The following RTN1 variants were observed in gnomAD, a reference collection of about 807,000 sequenced individuals.
The protein encoded by RTN1 is reticulon-1.
RTN1 carries 25 observed loss-of-function variants against 65.5 expected under a neutral mutation model. The ratio of observed to expected loss-of-function variants is 0.38; its 90% CI spans 0.28 to 0.53. The LOEUF is 0.53. RTN1 is among the 20% of genes least tolerant of loss of function. The probability of loss-of-function intolerance (pLI) is 0.79; values close to 1 mark genes in which losing one functional copy is unlikely to be tolerated. For missense variants in RTN1, 983 were observed against 1,025.4 expected, an observed-to-expected ratio of 0.96 and a Z score of 0.57; for synonymous variants, 471 against 447.6, an observed-to-expected ratio of 1.05 and a Z score of -0.66.
intron 1 of RTN1, among the ~76,000 whole-genome samples, chr14:59,854,556 G>A (rs544449157): frequency 9.3e-4 from 135 of 145,094 alleles, no homozygotes; most frequent in Middle Eastern, 3.8e-3. Flanking sequence ...CATGAGAATC[G>A]CTTGAACCCA....
intron 1 of RTN1, among the ~76,000 whole-genome samples, chr14:59,802,607 G>A (rs1040235174): frequency 6.6e-6 from 1 of 152,130 alleles, no homozygotes; most frequent in Non-Finnish European, 1.5e-5. Context: ...GAATTTAGTA[G>A]TGTATTTAGA....
At chr14:59,749,777 TTA>T (rs1157551595) in intron 1 of RTN1, among the ~76,000 whole-genome samples, 2 of 89,694 alleles carry the variant, frequency 2.2e-5, no homozygotes, top group Non-Finnish European at 3.8e-5. Context: ...ATATGTATAT[TTA>T]TATATATCTA....
chr14:59,867,267 G>A (rs1887816090), intron 1 of RTN1, among the ~76,000 whole-genome samples: 1 of 152,064 alleles, frequency 6.6e-6, no homozygotes, highest in African/African-American at 2.4e-5. Flanking sequence ...TAAAATAACT[G>A]ATCATGAAAA....
chr14:59,658,983 G>A (rs774887951), intron 3 of RTN1, among the ~76,000 whole-genome samples: 2 of 151,948 alleles, frequency 1.3e-5, no homozygotes, highest in Non-Finnish European at 1.5e-5. Context: ...GCTAAGAACC[G>A]TGAAAAAAGG....
At chr14:59,626,617 C>T (rs1441520968) in intron 3 of RTN1, among the ~76,000 whole-genome samples, 6 of 152,118 alleles carry the variant, frequency 3.9e-5, no homozygotes, top group African/African-American at 7.2e-5. Flanking sequence ...GTAGTACAGT[C>T]GAAGTGTTAA....
intron 3 of RTN1, among the ~76,000 whole-genome samples, chr14:59,637,867 T>C (rs967752615): frequency 2.0e-5 from 3 of 151,772 alleles, no homozygotes; most frequent in South Asian, 2.1e-4. Flanking sequence ...ATTTTTTTTT[T>C]CCCGAGATGG....
intron 3 of RTN1, among the ~76,000 whole-genome samples, chr14:59,622,674 C>T (rs1882288746): frequency 6.6e-6 from 1 of 152,178 alleles, no homozygotes. Context: ...TTAATCTTCC[C>T]TCGTTTGACA....
chr14:59,763,091 T>A (rs1885780182), intron 1 of RTN1, among the ~76,000 whole-genome samples: 1 of 152,184 alleles, frequency 6.6e-6, no homozygotes, highest in African/African-American at 2.4e-5. Context: ...TCAGGACATA[T>A]CATTTGGTAG....
chr14:59,657,548 T>C (rs1883148207), intron 3 of RTN1, among the ~76,000 whole-genome samples: 1 of 152,176 alleles, frequency 6.6e-6, no homozygotes, highest in Non-Finnish European at 1.5e-5. Flanking sequence ...GGTACCTGGC[T>C]CATCTCACTG....
At chr14:59,685,238 T>C (rs1230441882) in intron 3 of RTN1, among the ~76,000 whole-genome samples, 1 of 152,198 alleles carries the variant, frequency 6.6e-6, no homozygotes, top group African/African-American at 2.4e-5. Context: ...TTGAGAGCTT[T>C]TCTTCTGAGA....
chr14:59,778,314 T>C (rs147445069), intron 1 of RTN1, among the ~76,000 whole-genome samples: 36 of 152,338 alleles, frequency 2.4e-4, no homozygotes, highest in African/African-American at 8.4e-4. Context: ...TTTCTCATCA[T>C]GGCATATTGT....
Position 59,727,168 on chromosome 14 carries a change from C to T in RTN1, c.1516G>A (p.Ala506Thr). 1.9e-6 allele frequency: 3 copies of T among 1,590,602 alleles called. No individual in the cohort carries two copies. The highest frequency in any genetic ancestry group is 1.7e-6 in the Non-Finnish European group (2 of 1,168,612). The change falls in exon 3 of 9, where the codon GCC becomes ACC. Residue 506 changes from alanine to threonine, a missense_variant. Transcript: ENST00000267484. The surrounding 1 kb of genome is among the most constrained non-coding windows in gnomAD (Gnocchi z 4.2). ...CGCCGGCTTGGCGCACGCTCCTCGGCCCGGACGCCAGTCTCCTCCCGGATG... is the reference window on the plus strand; with the variant it reads ...CGCCGGCTTGGCGCACGCTCCTCGGTCCGGACGCCAGTCTCCTCCCGGATG... ...DAIREETGVR[A>T]EERAPSRRGL... is the part of the protein sequence containing the mutation.
chr14:59,610,864 T>A (rs1881926235), intron 3 of RTN1, among the ~76,000 whole-genome samples: 1 of 152,242 alleles, frequency 6.6e-6, no homozygotes, highest in African/African-American at 2.4e-5. Flanking sequence ...CTGCACTTGA[T>A]GAATAAGCTG....
At chr14:59,821,721 G>A (rs1003754383) in intron 1 of RTN1, among the ~76,000 whole-genome samples, 1 of 152,174 alleles carries the variant, frequency 6.6e-6, no homozygotes, top group African/African-American at 2.4e-5. Context: ...TTTTTAACAT[G>A]AAGGGATGTT....
intron 1 of RTN1, among the ~76,000 whole-genome samples, chr14:59,770,776 C>T (rs927087114): frequency 7.2e-5 from 11 of 152,098 alleles, no homozygotes; most frequent in African/African-American, 2.4e-4. Flanking sequence ...TTCTGTTGGC[C>T]GGGCGCAATG....
In RTN1 at chr14:59,835,247, CA is replaced by C. The variant is rs200350703; in HGVS notation, c.241+35142del. 4.2e-3 allele frequency among the ~76,000 whole-genome samples: 582 copies of C among 140,114 alleles called. 3 individuals are homozygous for C. Among genetic ancestry groups the C allele is most frequent in the African/African-American group, 0.014 (523 of 38,098 alleles). The allele number at this position is 140,114 out of a possible 152,430, so 91.9% of individuals were successfully genotyped here. A position where few individuals can be genotyped will look rare whatever the true frequency, so the allele number is the denominator to read the frequency against. On this transcript the variant is annotated intron_variant, in intron 1 of 8. Transcript: ENST00000267484. The stretch of plus-strand genomic sequence containing the variant: ...ATTATGTGGAGTGAAAGAAGCTAGA[CA>C]AAAAAAAAATAGCATATATGGTATG...
intron 1 of RTN1, among the ~76,000 whole-genome samples, chr14:59,792,755 A>G (rs1181606906): frequency 6.6e-6 from 1 of 152,198 alleles, no homozygotes; most frequent in Non-Finnish European, 1.5e-5. Context: ...GTAAAACAGG[A>G]TGTTTCAGAA....
At chr14:59,623,951 C>T (rs1645267337) in intron 3 of RTN1, among the ~76,000 whole-genome samples, 1 of 152,196 alleles carries the variant, frequency 6.6e-6, no homozygotes. Flanking sequence ...TGAAATATTT[C>T]TGAAGAAAGG....
intron 3 of RTN1, among the ~76,000 whole-genome samples, chr14:59,661,007 G>GA (rs1186054720): frequency 1.3e-5 from 2 of 150,574 alleles, no homozygotes; most frequent in Non-Finnish European, 3.0e-5. Flanking sequence ...TAATAAAGAA[G>GA]AAAAAAGAGA....
Sources: gnomAD v4.1 joint callset for allele counts (sites outside exome capture counted in the v4.1 genomes callset) on GRCh38, gnomAD v4.1.1 for gene constraint, Gnocchi (gnomAD v3.1) non-coding constraint, MANE v1.5 for transcripts, NCBI Gene and HGNC (gene_info 2026-07-23, HGNC 2026-07-21) for gene names.